ELMO1: variants seen among roughly 807,000 people sequenced by gnomAD.
The protein encoded by ELMO1 is engulfment and cell motility 1, also known as engulfment and cell motility protein 1.
In ELMO1, 26 loss-of-function variants were observed where a neutral mutation model predicts 98.9. The observed-to-expected ratio is 0.26, with a 90% CI of 0.19 to 0.36. The LOEUF (loss-of-function observed/expected upper bound fraction) is 0.36. Ranked by LOEUF, ELMO1 falls within the 10% of genes least tolerant of loss-of-function variation. The probability of loss-of-function intolerance (pLI) is 1.00; values close to 1 mark genes in which losing one functional copy is unlikely to be tolerated. For missense variants in ELMO1, 627 were observed against 935.2 expected, an observed-to-expected ratio of 0.67 and a Z score of 4.30; for synonymous variants, 346 against 346.0, an observed-to-expected ratio of 1.00 and a Z score of 0.00.
intron 15 of ELMO1, among the ~76,000 whole-genome samples, chr7:37,090,668 A>G (rs1283307114): frequency 6.6e-6 from 1 of 152,108 alleles, no homozygotes; most frequent in African/African-American, 2.4e-5. Context: ...GTCTTTGTGA[A>G]CCCCACGTGC....
chr7:37,123,382 A>T (rs1786236200), intron 14 of ELMO1, among the ~76,000 whole-genome samples: 1 of 152,180 alleles, frequency 6.6e-6, no homozygotes, highest in Non-Finnish European at 1.5e-5. Flanking sequence ...AAACTGATAG[A>T]CCACTAGCAA....
At chr7:37,267,966 T>G (rs147463195) in intron 5 of ELMO1, among the ~76,000 whole-genome samples, 1 of 152,348 alleles carries the variant, frequency 6.6e-6, no homozygotes, top group East Asian at 1.9e-4. Context: ...TATTGATCTT[T>G]TTCTTTATGG....
At chr7:37,195,925 T>C (rs1791938878) in intron 13 of ELMO1, among the ~76,000 whole-genome samples, 1 of 152,160 alleles carries the variant, frequency 6.6e-6, no homozygotes, top group East Asian at 1.9e-4. Context: ...GCTGGGGGGA[T>C]GGAGAGAACC....
At chr7:36,891,435 G>C (rs1300312138) in intron 17 of ELMO1, among the ~76,000 whole-genome samples, 1 of 152,206 alleles carries the variant, frequency 6.6e-6, no homozygotes, top group Non-Finnish European at 1.5e-5. Flanking sequence ...TTGCAGGGTA[G>C]GTATCAGCTT....
chr7:36,934,864 A>G (rs1310130532), intron 16 of ELMO1, among the ~76,000 whole-genome samples: 1 of 152,218 alleles, frequency 6.6e-6, no homozygotes, highest in Non-Finnish European at 1.5e-5. Flanking sequence ...CCCAAGGTCT[A>G]AGCCGAGGAA....
chr7:37,225,649 A>C (rs957352808), intron 8 of ELMO1, among the ~76,000 whole-genome samples: 1 of 152,252 alleles, frequency 6.6e-6, no homozygotes, highest in African/African-American at 2.4e-5. Context: ...AGCAAACAGG[A>C]AATCATTTAA....
intron 16 of ELMO1, among the ~76,000 whole-genome samples, chr7:36,903,620 G>A (rs1328633732): frequency 6.6e-6 from 1 of 152,172 alleles, no homozygotes; most frequent in Non-Finnish European, 1.5e-5. Flanking sequence ...TTCTGGACAT[G>A]GGTCATGTTT....
chr7:37,127,976 T>C (rs969705097), intron 14 of ELMO1, among the ~76,000 whole-genome samples: 1 of 152,156 alleles, frequency 6.6e-6, no homozygotes, highest in Non-Finnish European at 1.5e-5. Context: ...GCAGATCATC[T>C]GAGGTCAGGA....
At chr7:37,180,474 A>G (rs1790778641) in intron 13 of ELMO1, among the ~76,000 whole-genome samples, 1 of 152,204 alleles carries the variant, frequency 6.6e-6, no homozygotes, top group South Asian at 2.1e-4. Flanking sequence ...CAAAGAACAC[A>G]CAGAAAGGCA....
intron 15 of ELMO1, among the ~76,000 whole-genome samples, chr7:37,054,428 G>C (rs1414957400): frequency 1.3e-5 from 2 of 152,166 alleles, no homozygotes; most frequent in Admixed American, 6.5e-5. Flanking sequence ...GGAAGAATGG[G>C]AGATTGGTTA....
intron 10 of ELMO1, among the ~76,000 whole-genome samples, chr7:37,217,345 T>C (rs1020741622): frequency 2.0e-5 from 3 of 152,030 alleles, no homozygotes; most frequent in Non-Finnish European, 2.9e-5. Flanking sequence ...ATGCACAGAG[T>C]CCCTTTATAA....
chr7:36,910,218 T>C (rs1784247832), intron 16 of ELMO1, among the ~76,000 whole-genome samples: 1 of 152,236 alleles, frequency 6.6e-6, no homozygotes, highest in Non-Finnish European at 1.5e-5. Context: ...TAGAATTAAG[T>C]GGCTTACTCA....
intron 13 of ELMO1, among the ~76,000 whole-genome samples, chr7:37,154,380 C>T (rs1181612242): frequency 6.6e-6 from 1 of 150,634 alleles, no homozygotes; most frequent in African/African-American, 2.4e-5. Context: ...GCTAAAGGAG[C>T]ATGTTCTAAT....
intron 16 of ELMO1, among the ~76,000 whole-genome samples, chr7:36,930,912 G>A (rs764183892): frequency 5.9e-5 from 9 of 152,198 alleles, no homozygotes; most frequent in Admixed American, 3.3e-4. Flanking sequence ...CAACTTTGAG[G>A]TGAGAACATG....
chr7:36,936,415 TGGC>T (rs1786535034), intron 16 of ELMO1, among the ~76,000 whole-genome samples: 1 of 152,206 alleles, frequency 6.6e-6, no homozygotes, highest in Admixed American at 6.5e-5. Flanking sequence ...TACCTTAGTC[TGGC>T]TTCTAGTTAA....
intron 20 of ELMO1, among the ~76,000 whole-genome samples, chr7:36,867,150 T>C (rs1803093113): frequency 6.6e-6 from 1 of 152,314 alleles, no homozygotes; most frequent in East Asian, 1.9e-4. Context: ...TGCAGTCTTA[T>C]CTGTTTACAG....
At chr7:37,358,732 G>A (rs1162969877) in intron 1 of ELMO1, among the ~76,000 whole-genome samples, 1 of 152,150 alleles carries the variant, frequency 6.6e-6, no homozygotes, top group Admixed American at 6.5e-5. Context: ...AAAGAGAACA[G>A]GCTTTGGAGG....
chr7:37,320,137 C>T lies in ELMO1; in HGVS notation c.79-4177G>A, dbSNP rs183951033. 9.7e-4 allele frequency among the ~76,000 whole-genome samples: 148 copies of T among 152,200 alleles called. 4 individuals carry two copies. The South Asian group carries it at 0.016, about 16-fold the overall frequency. The stretch of plus-strand genomic sequence containing the variant: ...TAAATAAATAAAACAATTAGCTGGG[C>T]GTGGTGGCCCATGCCTGTAGTTCCA... On this transcript the variant is annotated intron_variant, in intron 2 of 21. Transcript: ENST00000310758.
At chr7:36,899,961 A>G (rs757553379) in intron 16 of ELMO1, among the ~76,000 whole-genome samples, 1 of 152,150 alleles carries the variant, frequency 6.6e-6, no homozygotes, top group Non-Finnish European at 1.5e-5. Flanking sequence ...TTCTGTTACA[A>G]TCCCAGAAGG....
Sources: allele counts gnomAD v4.1 joint callset (sites outside exome capture counted in the v4.1 genomes callset), GRCh38; gene constraint gnomAD v4.1.1; transcripts MANE v1.5; gene names NCBI Gene and HGNC (gene_info 2026-07-23, HGNC 2026-07-21).